XYLB: variants seen among roughly 807,000 people sequenced by gnomAD.
XYLB encodes xylulokinase, also known as xylulose kinase.
XYLB carries 62 observed loss-of-function variants against 78.7 expected under a neutral mutation model. That is an observed-to-expected ratio of 0.79 (90% CI 0.64 to 0.97). The LOEUF (loss-of-function observed/expected upper bound fraction) is 0.97. Among genes scored for constraint, XYLB ranks in the 50% least tolerant of loss-of-function variants. The pLI, the probability that XYLB is intolerant of heterozygous loss-of-function variation, is 0.00. For synonymous variants in XYLB, 245 were observed against 247.4 expected (o/e 0.99, Z 0.09); for missense variants, 687 against 676.8 (o/e 1.02, Z -0.17).
intron 3 of XYLB, among the ~76,000 whole-genome samples, chr3:38,361,697 T>A (rs577571403): frequency 6.6e-6 from 1 of 152,200 alleles, no homozygotes; most frequent in East Asian, 1.9e-4. Flanking sequence ...AGGGCCAAGG[T>A]GATTTCTGAT....
chr3:38,443,131 C>T, the XYLB span, among the ~76,000 whole-genome samples: 1 of 152,186 alleles, frequency 6.6e-6, no homozygotes, highest in African/African-American at 2.4e-5. Flanking sequence ...CAGGATTCCT[C>T]AGATGGTAAT....
chr3:38,374,360 G>A, intron 10 of XYLB, 102 bp from the exon 11 acceptor site: 1 of 1,545,048 alleles, frequency 6.5e-7, no homozygotes. Flanking sequence ...TGTGGGTGGG[G>A]GTTGGAGGTG....
At chr3:38,433,717 A>G in the XYLB span, among the ~76,000 whole-genome samples, 1 of 152,218 alleles carries the variant, frequency 6.6e-6, no homozygotes, top group Non-Finnish European at 1.5e-5. Flanking sequence ...TCCATTGTCC[A>G]TATCACTGTC....
downstream of XYLB, among the ~76,000 whole-genome samples, chr3:38,422,681 T>G (rs1311761137): frequency 1.3e-5 from 2 of 152,068 alleles, no homozygotes; most frequent in Non-Finnish European, 2.9e-5. Flanking sequence ...ACCTATAAAT[T>G]TATGGGGGAG....
At chr3:38,417,345 G>A (rs904775676), downstream of XYLB, among the ~76,000 whole-genome samples, 1 of 152,040 alleles carries the variant, frequency 6.6e-6, no homozygotes, top group Non-Finnish European at 1.5e-5. Context: ...AATCAAGATT[G>A]TTGTCCCACA....
Position 38,412,925 on chromosome 3 carries a change from T to C in XYLB, c.1534-11T>C. The C allele has an allele frequency of 6.2e-7, 1 of 1,601,364 alleles. No homozygotes were observed. Among genetic ancestry groups the C allele is most frequent in the Non-Finnish European group, 8.5e-7 (1 of 1,174,842 alleles). On this transcript the variant is annotated splice_polypyrimidine_tract_variant and intron_variant, in intron 18 of 18. Transcript: ENST00000207870. ...CCCCTCTGTTCTAAACTGCTTTTTCTGCCCTTCTAGGTCTACGAGGCCCTT... is the reference window on the plus strand; with the variant it reads ...CCCCTCTGTTCTAAACTGCTTTTTCCGCCCTTCTAGGTCTACGAGGCCCTT...
intron 4 of XYLB, 34 bp downstream of exon 4, chr3:38,363,051 G>T (rs1204407826): frequency 1.0e-5 from 15 of 1,493,060 alleles, no homozygotes; most frequent in Non-Finnish European, 1.3e-5. Flanking sequence ...TGCCATGTGA[G>T]GGTGACTGTC....
the XYLB span, among the ~76,000 whole-genome samples, chr3:38,435,627 G>A: frequency 6.6e-6 from 1 of 152,072 alleles, no homozygotes; most frequent in African/African-American, 2.4e-5. Context: ...TCTATCCAAC[G>A]ACTGCAGAAT....
At chr3:38,448,499 A>C in the XYLB span, among the ~76,000 whole-genome samples, 1 of 152,214 alleles carries the variant, frequency 6.6e-6, no homozygotes, top group African/African-American at 2.4e-5. Flanking sequence ...TAATCCCATT[A>C]TCTCTGTCAC....
intron 18 of XYLB, among the ~76,000 whole-genome samples, chr3:38,405,195 C>A (rs1708262266): frequency 6.6e-6 from 1 of 151,800 alleles, no homozygotes; most frequent in African/African-American, 2.4e-5. Context: ...ATAAATATTT[C>A]ATTCTTAAAA....
At chr3:38,401,526 C>T (rs1708123596) in intron 18 of XYLB, among the ~76,000 whole-genome samples, 2 of 152,120 alleles carry the variant, frequency 1.3e-5, no homozygotes, top group Non-Finnish European at 2.9e-5. Flanking sequence ...CAGGATTGGA[C>T]AGAGGGAGAA....
At chr3:38,447,838 G>C in the XYLB span, among the ~76,000 whole-genome samples, 1 of 152,112 alleles carries the variant, frequency 6.6e-6, no homozygotes, top group Non-Finnish European at 1.5e-5. Context: ...AGAAGATATA[G>C]AATCAACCTA....
At chr3:38,451,132 A>T in the XYLB span, 1 of 152,206 alleles carries the variant, frequency 6.6e-6, no homozygotes, top group South Asian at 2.1e-4. Flanking sequence ...ATATAGCAGG[A>T]AAGAAATGTA....
At chr3:38,432,775 C>T in the XYLB span, among the ~76,000 whole-genome samples, 2 of 152,220 alleles carry the variant, frequency 1.3e-5, no homozygotes, top group Non-Finnish European at 2.9e-5. Context: ...AGAGGTGGGC[C>T]CCCATGGCTT....
Position 38,365,618 on chromosome 3 carries a change from C to T in XYLB, c.389C>T (p.Ser130Phe), listed in dbSNP as rs761673681. Residue 130 changes from serine (S) to phenylalanine (F), a missense_variant, in exon 6 of 19, where the codon TCC becomes TTC. Physicochemically the swap from Ser to Phe is radical, Grantham distance 155 (BLOSUM62 -2). Coordinates refer to ENST00000207870, the MANE Select transcript of XYLB (RefSeq NM_005108.4). ...TGCCCTCCTTCCCAGGACTGTTTCT[C>T]CATCAGCGACTGCCCGGTGTGGATG... ...RLHQQLQDCF[S>F]ISDCPVWMDS... 2 of 1,612,220 alleles carry T rather than the reference C, an allele frequency of 1.2e-6. No homozygotes were observed. The highest frequency in any genetic ancestry group is 1.7e-5 in the Admixed American group (1 of 59,878).
Position 38,413,540 on chromosome 3 carries a change from C to G in XYLB, c.*527C>G, listed in dbSNP as rs186852055. The G allele has an allele frequency of 6.5e-6, 1 of 152,830 alleles. No individual in the cohort carries two copies. Among genetic ancestry groups the G allele is most frequent in the African/African-American group, 2.4e-5 (1 of 41,436 alleles). The allele number at this position is 152,830 out of a possible 1,614,324, so 9.5% of individuals were successfully genotyped here. A position where few individuals can be genotyped will look rare whatever the true frequency, so the allele number is the denominator to read the frequency against. ...CAGTCTCTTCTCTCCCACACCCTGC[C>G]CTCCTTGTTTCAGCTGTCTGAGGTG... On this transcript the variant is annotated 3_prime_UTR_variant, in exon 19 of 19. Coordinates refer to ENST00000207870, the MANE Select transcript of XYLB (RefSeq NM_005108.4).
intron 18 of XYLB, among the ~76,000 whole-genome samples, chr3:38,406,994 C>A (rs1313493056): frequency 3.4e-5 from 5 of 148,996 alleles, no homozygotes; most frequent in East Asian, 1.9e-4. Context: ...CCCAATCTAG[C>A]AAGGCAGGCC....
At chr3:38,364,999 G>C (rs1706171148) in intron 4 of XYLB, among the ~76,000 whole-genome samples, 200 bp from the exon 5 acceptor site, 1 of 152,202 alleles carries the variant, frequency 6.6e-6, no homozygotes, top group Non-Finnish European at 1.5e-5. Context: ...AAGTTGTAGG[G>C]TAGACAGGGC....
At chr3:38,362,369 C>T (rs896134682) in intron 3 of XYLB, among the ~76,000 whole-genome samples, 3 of 152,186 alleles carry the variant, frequency 2.0e-5, no homozygotes, top group Non-Finnish European at 4.4e-5. Context: ...TCCTGAGTAG[C>T]TGGGATTACA....
Sources: gnomAD v4.1 joint callset for allele counts (sites outside exome capture counted in the v4.1 genomes callset) on GRCh38, gnomAD v4.1.1 for gene constraint, MANE v1.5 for transcripts, NCBI Gene and HGNC (gene_info 2026-07-23, HGNC 2026-07-21) for gene names.